SGCD: variants seen among roughly 807,000 people sequenced by gnomAD.
SGCD encodes the protein delta-sarcoglycan.
A neutral mutation model predicts 36.6 loss-of-function variants in SGCD; 18 were observed. The observed-to-expected ratio is 0.49, with a 90% CI of 0.34 to 0.73. The LOEUF (loss-of-function observed/expected upper bound fraction) is 0.73, where lower values mean the gene tolerates loss of function less well. SGCD is among the 30% of genes least tolerant of loss of function. The pLI is 0.01. For missense variants in SGCD, 387 were observed against 346.7 expected, an observed-to-expected ratio of 1.12 and a Z score of -0.92; for synonymous variants, 133 against 130.6, an observed-to-expected ratio of 1.02 and a Z score of -0.12.
chr5:156,009,660 C>T (rs187267472), intron 1 of SGCD, among the ~76,000 whole-genome samples: 4 of 152,270 alleles, frequency 2.6e-5, no homozygotes, highest in Non-Finnish European at 2.9e-5. Context: ...GCCCAGGGAC[C>T]GCCAACAATT....
At position 156,364,308 on chromosome 5, in the gene SGCD, T is replaced by C. The variant is rs1047814573; in HGVS notation, c.192+19631T>C. 2.0e-5 allele frequency among the ~76,000 whole-genome samples: 3 copies of C among 152,184 alleles called. No homozygotes were observed. The East Asian group carries it at 5.8e-4, about 29-fold the overall frequency. ...CAAGGTTCACTAACAATCAGTCTTATAGAATCAATTCAAAAGGACCATGTT... is the reference window on the plus strand; with the variant it reads ...CAAGGTTCACTAACAATCAGTCTTACAGAATCAATTCAAAAGGACCATGTT... On this transcript the variant is annotated intron_variant, in intron 3 of 8. Transcript: ENST00000337851.
chr5:156,025,933 A>G (rs1457654956), intron 1 of SGCD, among the ~76,000 whole-genome samples: 1 of 152,254 alleles, frequency 6.6e-6, no homozygotes, highest in Non-Finnish European at 1.5e-5. Flanking sequence ...AGATGAAAGT[A>G]TTATCACTTA....
chr5:156,689,018 C>T (rs934871554), intron 7 of SGCD, among the ~76,000 whole-genome samples: 1 of 152,192 alleles, frequency 6.6e-6, no homozygotes, highest in Non-Finnish European at 1.5e-5. Flanking sequence ...AGTTACTACA[C>T]ACAGTGTACT....
At chr5:156,238,770 C>T (rs1475549466) in intron 3 of SGCD, among the ~76,000 whole-genome samples, 1 of 152,104 alleles carries the variant, frequency 6.6e-6, no homozygotes, top group East Asian at 1.9e-4. Flanking sequence ...TGGTGCTCAA[C>T]TGTGGTTTGA....
chr5:156,415,050 A>G (rs1772953800), intron 3 of SGCD, among the ~76,000 whole-genome samples: 1 of 152,284 alleles, frequency 6.6e-6, no homozygotes, highest in South Asian at 2.1e-4. Context: ...TTAAATTTAC[A>G]CAAGAACAGA....
chr5:156,487,960 T>TTATA (rs55795142), intron 3 of SGCD, among the ~76,000 whole-genome samples: 61 of 136,704 alleles, frequency 4.5e-4, no homozygotes, highest in African/African-American at 6.9e-4. Context: ...GTAACATATA[T>TTATA]TATATATATA....
chr5:156,274,217 C>T (rs1482679137), intron 3 of SGCD, among the ~76,000 whole-genome samples: 1 of 152,110 alleles, frequency 6.6e-6, no homozygotes, highest in Non-Finnish European at 1.5e-5. Flanking sequence ...CTAAAAATCT[C>T]AGCAATTAAA....
the SGCD span, among the ~76,000 whole-genome samples, chr5:155,761,959 CCTAA>C: frequency 6.6e-6 from 1 of 152,142 alleles, no homozygotes; most frequent in Non-Finnish European, 1.5e-5. Flanking sequence ...AAGTACATTT[CCTAA>C]CTATTTCATG....
Position 156,061,038 on chromosome 5 carries a change from C to T in SGCD, c.-281-56840C>T, listed in dbSNP as rs1047372046. ...AAATTGATTTAAAAATCTATTCATT[C>T]CTGAAAATGGCAGCTATTGTTAAAA... On this transcript the variant is annotated intron_variant, in intron 1 of 9. Coordinates refer to the SGCD transcript ENST00000517913. Among the ~76,000 whole-genome samples, 13 of 145,184 alleles carry T rather than the reference C, an allele frequency of 9.0e-5. 1 individual carries two copies. Among genetic ancestry groups the T allele is most frequent in the Non-Finnish European group, 1.7e-4 (11 of 64,534 alleles).
intron 7 of SGCD, among the ~76,000 whole-genome samples, chr5:156,714,134 G>T (rs918462213): frequency 6.6e-6 from 1 of 152,212 alleles, no homozygotes; most frequent in Admixed American, 6.5e-5. Flanking sequence ...CACATTCACT[G>T]TGTTTACACA....
At chr5:155,900,698 A>G (rs560649904) in intron 1 of SGCD, among the ~76,000 whole-genome samples, 1 of 151,932 alleles carries the variant, frequency 6.6e-6, no homozygotes, top group South Asian at 2.1e-4. Flanking sequence ...AAACTGTCCT[A>G]GTAAGAATTC....
chr5:155,901,663 A>C (rs1218795347), intron 1 of SGCD, among the ~76,000 whole-genome samples: 1 of 152,214 alleles, frequency 6.6e-6, no homozygotes, highest in African/African-American at 2.4e-5. Context: ...AGTTTTTAAA[A>C]CTGGCCTGAC....
chr5:155,821,261 A>G, the SGCD span, among the ~76,000 whole-genome samples: 7 of 152,164 alleles, frequency 4.6e-5, no homozygotes, highest in Non-Finnish European at 1.0e-4. Context: ...TTCTAAGTAA[A>G]TAGTCAGGGA....
intron 7 of SGCD, among the ~76,000 whole-genome samples, chr5:156,670,571 C>G (rs757492659): frequency 6.6e-6 from 1 of 152,162 alleles, no homozygotes; most frequent in Non-Finnish European, 1.5e-5. Context: ...CCACTTATAA[C>G]CTTTTCAAAA....
intron 3 of SGCD, among the ~76,000 whole-genome samples, chr5:156,507,802 T>C (rs1756765879): frequency 6.6e-6 from 1 of 152,220 alleles, no homozygotes; most frequent in Admixed American, 6.5e-5. Flanking sequence ...TTTTAGGAAC[T>C]GGCCTAGTAT....
intron 1 of SGCD, among the ~76,000 whole-genome samples, chr5:155,890,984 A>G (rs1756115821): frequency 6.6e-6 from 1 of 152,176 alleles, no homozygotes; most frequent in Admixed American, 6.5e-5. Context: ...TGGGAAAGAA[A>G]TTCACAAAAA....
At chr5:156,321,840 C>T (rs1767679800), upstream of SGCD, among the ~76,000 whole-genome samples, 1 of 152,170 alleles carries the variant, frequency 6.6e-6, no homozygotes, top group South Asian at 2.1e-4. Flanking sequence ...AACTGTTACT[C>T]CCAGTCCTGC....
At chr5:156,031,391 A>G (rs1480929496) in intron 1 of SGCD, among the ~76,000 whole-genome samples, 1 of 152,144 alleles carries the variant, frequency 6.6e-6, no homozygotes, top group Non-Finnish European at 1.5e-5. Context: ...CATGAACTGG[A>G]GGAGGAGGAG....
At chr5:156,206,211 A>G (rs1475566456) in intron 3 of SGCD, among the ~76,000 whole-genome samples, 2 of 151,798 alleles carry the variant, frequency 1.3e-5, no homozygotes, top group East Asian at 1.9e-4. Flanking sequence ...ATTGTTTTGT[A>G]CTTCAGAATA....
Sources: gnomAD v4.1 joint callset for allele counts (sites outside exome capture counted in the v4.1 genomes callset) on GRCh38, gnomAD v4.1.1 for gene constraint, MANE v1.5 for transcripts, NCBI Gene and HGNC (gene_info 2026-07-23, HGNC 2026-07-21) for gene names.